The following SRGAP3 variants were observed in gnomAD, a reference collection of about 807,000 sequenced individuals.
The protein encoded by SRGAP3 is SLIT-ROBO Rho GTPase-activating protein 3.
In SRGAP3, 39 loss-of-function variants were observed where a neutral mutation model predicts 121.1. That is an observed-to-expected ratio of 0.32 (90% CI 0.25 to 0.42). The LOEUF (loss-of-function observed/expected upper bound fraction) is 0.42. SRGAP3 is among the 10% of genes least tolerant of loss of function. The pLI, the probability that SRGAP3 is intolerant of heterozygous loss-of-function variation, is 1.00. For missense variants in SRGAP3, 1,213 were observed against 1,470.6 expected (o/e 0.82, Z 2.86); for synonymous variants, 601 against 570.0 (o/e 1.05, Z -0.77).
At chr3:9,027,466 C>A (rs988039299) in intron 12 of SRGAP3, among the ~76,000 whole-genome samples, 22 of 152,174 alleles carry the variant, frequency 1.4e-4, no homozygotes, top group Non-Finnish European at 2.8e-4. Flanking sequence ...AGGCTGGCCC[C>A]TGGTGGAAAT....
At chr3:9,183,952 C>T (rs1204133936) in intron 1 of SRGAP3, among the ~76,000 whole-genome samples, 11 of 152,132 alleles carry the variant, frequency 7.2e-5, no homozygotes, top group Admixed American at 7.2e-4. Flanking sequence ...CCAGCCCTTC[C>T]CGGTTCTCAG....
chr3:9,182,634 A>T (rs1440326743), intron 1 of SRGAP3, among the ~76,000 whole-genome samples: 1 of 152,152 alleles, frequency 6.6e-6, no homozygotes, highest in Non-Finnish European at 1.5e-5. Flanking sequence ...TATTTATTTT[A>T]AAATTTTTTT....
intron 1 of SRGAP3, among the ~76,000 whole-genome samples, chr3:9,177,550 G>A (rs979250969): frequency 6.6e-6 from 1 of 152,112 alleles, no homozygotes; most frequent in Non-Finnish European, 1.5e-5. Flanking sequence ...TGGCTTTCAT[G>A]TATACTCAAA....
At chr3:9,071,235 C>T (rs190655896) in intron 4 of SRGAP3, among the ~76,000 whole-genome samples, 240 of 152,230 alleles carry the variant, frequency 1.6e-3, no homozygotes, top group Non-Finnish European at 2.4e-3. Flanking sequence ...TTTTCTCTGC[C>T]CAGACTCATC....
intron 3 of SRGAP3, among the ~76,000 whole-genome samples, chr3:9,264,082 A>G (rs1486575503): frequency 6.6e-6 from 1 of 152,210 alleles, no homozygotes; most frequent in South Asian, 2.1e-4. Context: ...AAATCAATAA[A>G]CATAATCCAT....
intron 12 of SRGAP3, among the ~76,000 whole-genome samples, chr3:9,030,914 T>G (rs1003283548): frequency 6.6e-6 from 1 of 151,996 alleles, no homozygotes; most frequent in African/African-American, 2.4e-5. Flanking sequence ...AGAAGCCTAC[T>G]GTGCTTGAGC....
intron 3 of SRGAP3, among the ~76,000 whole-genome samples, chr3:9,276,528 C>T (rs1157749678): frequency 6.6e-6 from 1 of 151,854 alleles, no homozygotes; most frequent in African/African-American, 2.4e-5. Flanking sequence ...AAGGTTCACT[C>T]GATTCTCCTG....
intron 1 of SRGAP3, among the ~76,000 whole-genome samples, chr3:9,234,183 G>T (rs940092361): frequency 5.9e-5 from 9 of 152,182 alleles, no homozygotes; most frequent in African/African-American, 2.2e-4. Flanking sequence ...GGGTCCAGAA[G>T]ATCGGAGCAA....
chr3:9,257,618 GAA>G (rs1954158874), intron 3 of SRGAP3: 1 of 149,768 alleles, frequency 6.7e-6, no homozygotes, highest in African/African-American at 2.5e-5. Context: ...AAGGGCATAG[GAA>G]AAGAGAGTGG....
At chr3:9,304,497 A>G (rs1955124219) in intron 3 of SRGAP3, among the ~76,000 whole-genome samples, 2 of 152,164 alleles carry the variant, frequency 1.3e-5, no homozygotes, top group South Asian at 4.1e-4. Flanking sequence ...TATCTTTAGC[A>G]TCTTAAATCT....
chr3:9,158,279 T>C (rs1560295460), intron 1 of SRGAP3, among the ~76,000 whole-genome samples: 1 of 152,198 alleles, frequency 6.6e-6, no homozygotes, highest in Non-Finnish European at 1.5e-5. Flanking sequence ...GGAGGGATTC[T>C]AGTCAGATTG....
chr3:9,079,633 A>G (rs1244703912), intron 4 of SRGAP3, among the ~76,000 whole-genome samples: 1 of 152,144 alleles, frequency 6.6e-6, no homozygotes. Context: ...CTATGGTCCT[A>G]CAGTTGGTAA....
chr3:9,336,634 C>A (rs1249150396), intron 1 of SRGAP3, among the ~76,000 whole-genome samples: 1 of 152,064 alleles, frequency 6.6e-6, no homozygotes, highest in Non-Finnish European at 1.5e-5. Flanking sequence ...ACAAAAGAAA[C>A]AACTTGAGCA....
intron 3 of SRGAP3, among the ~76,000 whole-genome samples, chr3:9,266,304 T>C (rs993759772): frequency 6.6e-6 from 1 of 151,986 alleles, no homozygotes; most frequent in African/African-American, 2.4e-5. Flanking sequence ...CAAACCACCA[T>C]GGCACATGTG....
chr3:9,237,145 C>T (rs1249757844), intron 1 of SRGAP3, among the ~76,000 whole-genome samples: 1 of 152,286 alleles, frequency 6.6e-6, no homozygotes. Flanking sequence ...CACCCCAAAA[C>T]GTAATATCTA....
intron 1 of SRGAP3, among the ~76,000 whole-genome samples, chr3:9,176,337 C>T (rs1951180896): frequency 6.6e-6 from 1 of 152,184 alleles, no homozygotes; most frequent in Admixed American, 6.5e-5. Context: ...TGAAGGGCCT[C>T]ATAGGGTACC....
Position 9,218,060 on chromosome 3 carries a change from G to A in SRGAP3, c.67+30825C>T, listed in dbSNP as rs1007838992. ...TGTATTATTAGTCCTGCTAGCCTCC[G>A]AACCATTGAGAGTACTTCTGAAAGA... On this transcript the variant is annotated intron_variant, in intron 1 of 21. Coordinates refer to ENST00000383836, the MANE Select transcript of SRGAP3 (RefSeq NM_014850.4). The surrounding 1 kb of genome is among the most constrained non-coding windows in gnomAD (Gnocchi z 5.3). 3.4e-5 allele frequency: 5 copies of A among 147,618 alleles called. No individual in the cohort carries two copies. Among genetic ancestry groups the A allele is most frequent in the African/African-American group, 1.0e-4 (4 of 38,854 alleles). The allele number at this position is 147,618 out of a possible 1,614,324, so 9.1% of individuals were successfully genotyped here. A position where few individuals can be genotyped will look rare whatever the true frequency, so the allele number is the denominator to read the frequency against.
rs377537853 is a variant in SRGAP3, at chr3:9,037,967, T to C, written c.1436+96A>G. On this transcript the variant is annotated intron_variant, in intron 11 of 21. Coordinates refer to ENST00000383836, the MANE Select transcript of SRGAP3 (RefSeq NM_014850.4). ...CTTGGGGACATTGGTGAAGAAGCCA[T>C]CCCTGCTTCTCCAGCTCCTGGCAGT... 2.8e-5 allele frequency: 42 copies of C among 1,508,594 alleles called. No individual in the cohort carries two copies. In the East Asian group the frequency reaches 9.2e-4, roughly 33 times the overall value. 93.5% of individuals were successfully genotyped at this position (1,508,594 alleles called of 1,614,324 possible).
chr3:9,336,763 CTTACT>C (rs370356496), intron 1 of SRGAP3, among the ~76,000 whole-genome samples: 6 of 152,198 alleles, frequency 3.9e-5, no homozygotes, highest in Admixed American at 2.0e-4. Flanking sequence ...GAATAAGAGT[CTTACT>C]TTAAACAGCC....
Sources: gnomAD v4.1 joint callset for allele counts (sites outside exome capture counted in the v4.1 genomes callset) on GRCh38, gnomAD v4.1.1 for gene constraint, Gnocchi (gnomAD v3.1) non-coding constraint, MANE v1.5 for transcripts, NCBI Gene and HGNC (gene_info 2026-07-23, HGNC 2026-07-21) for gene names.